Variants in SAMM50 observed in about 807,000 individuals in gnomAD.
The protein encoded by SAMM50 is sorting and assembly machinery component 50 homolog.
SAMM50 carries 47 observed loss-of-function variants against 66.9 expected under a neutral mutation model. The ratio of observed to expected loss-of-function variants is 0.70; its 90% CI spans 0.56 to 0.90. The LOEUF (loss-of-function observed/expected upper bound fraction) is 0.90, where lower values mean the gene tolerates loss of function less well. Ranked by LOEUF, SAMM50 falls within the 40% of genes least tolerant of loss-of-function variation. The pLI is 0.00. For missense variants in SAMM50, 535 were observed against 595.3 expected (o/e 0.90, Z 1.05); for synonymous variants, 191 against 214.1 (o/e 0.89, Z 0.94).
intron 3 of SAMM50, among the ~76,000 whole-genome samples, chr22:43,968,192 A>C (rs183405289): frequency 2.8e-5 from 4 of 140,414 alleles, no homozygotes; most frequent in Admixed American, 2.4e-4. Flanking sequence ...GCACCGTTGC[A>C]CTCCAGCCTG....
chr22:43,978,037 A>G (rs1806259712), intron 10 of SAMM50, 79 bp downstream of exon 10: 1 of 943,430 alleles, frequency 1.1e-6, no homozygotes, highest in Non-Finnish European at 1.7e-6. Flanking sequence ...TAGCTCCTGA[A>G]TATCTAAAGC....
rs1279556468 is a variant in SAMM50, at chr22:43,976,813, GT to G, written c.843del (p.Asn282ThrfsTer12). 2.0e-6 allele frequency: 3 copies of G among 1,525,514 alleles called. No individual in the cohort carries two copies. The highest frequency in any genetic ancestry group is 2.7e-6 in the Non-Finnish European group (3 of 1,124,884). The allele number at this position is 1,525,514 out of a possible 1,614,324, so 94.5% of individuals were successfully genotyped here. On this transcript the variant is annotated frameshift_variant, in exon 9 of 15. Transcript: ENST00000350028. LOFTEE classifies it high-confidence loss of function. ...ILPRRGALLK[V>X]NQELAGYTGG... ...ACCAAGGAGAGGTGCTTTGCTGAAA[GT>G]TAACCAGGTAGTGTTGTTTCACCTG...
At chr22:43,968,689 G>A (rs766261117) in intron 3 of SAMM50, 42 bp from the exon 4 acceptor site, 11 of 1,380,414 alleles carry the variant, frequency 8.0e-6, no homozygotes, top group South Asian at 7.0e-5. Context: ...TTTCTGTATC[G>A]TAGAAGAATA....
chr22:43,971,932 A>C (rs1373105865), intron 4 of SAMM50, among the ~76,000 whole-genome samples: 1 of 152,128 alleles, frequency 6.6e-6, no homozygotes, highest in Non-Finnish European at 1.5e-5. Flanking sequence ...TCTTGGCCTG[A>C]AAGTGATCCT....
rs999827281 is a variant in SAMM50, at chr22:43,957,644, G to A, written c.21+2046G>A. ...TCATCATGTTGGCCAGGCTGGTCTT[G>A]AACTCCTGACCTCAAGTGATCATCC... is the stretch of plus-strand genomic sequence containing the variant. On this transcript the variant is annotated intron_variant, in intron 1 of 14. Transcript: ENST00000350028. Among the ~76,000 whole-genome samples the A allele has an allele frequency of 4.6e-5, 7 of 152,268 alleles. No individual in the cohort carries two copies. In the East Asian group the frequency reaches 1.4e-3, roughly 29 times the overall value.
intron 9 of SAMM50, 145 bp from the exon 10 acceptor site, chr22:43,977,727 G>T (rs905480226): frequency 1.7e-6 from 1 of 576,232 alleles, no homozygotes. Context: ...CAACAATTAG[G>T]ATGTGGCTTC....
At chr22:43,992,728 C>T (rs73890556) in intron 14 of SAMM50, among the ~76,000 whole-genome samples, 2 of 152,336 alleles carry the variant, frequency 1.3e-5, no homozygotes, top group Non-Finnish European at 1.5e-5. Context: ...GAGCCCTTGG[C>T]GCACCGCCTG....
intron 9 of SAMM50, 87 bp downstream of exon 9, chr22:43,976,908 T>TGGGGGGGGGCGG: frequency 4.3e-6 from 2 of 469,282 alleles, no homozygotes; most frequent in Non-Finnish European, 8.4e-6. Context: ...TGGGTGGGCC[T>TGGGGGGGGGCGG]GGGGGTGGGC....
intron 10 of SAMM50, among the ~76,000 whole-genome samples, chr22:43,980,158 A>C (rs1422015231): frequency 6.2e-5 from 1 of 16,226 alleles, no homozygotes; most frequent in Non-Finnish European, 1.2e-4. Context: ...CCATCCATCC[A>C]TCCATTCACC....
chr22:43,977,517 A>G (rs1355714069), intron 9 of SAMM50, among the ~76,000 whole-genome samples: 1 of 152,198 alleles, frequency 6.6e-6, no homozygotes, highest in Non-Finnish European at 1.5e-5. Flanking sequence ...TCAGGTTTTT[A>G]TACAAAATAG....
chr22:43,991,275 A>ATTTT (rs938187573), intron 14 of SAMM50, among the ~76,000 whole-genome samples: 2 of 116,628 alleles, frequency 1.7e-5, no homozygotes, highest in African/African-American at 3.3e-5. Context: ...CACGCCCGGC[A>ATTTT]TTTTTTTTTT....
intron 7 of SAMM50, among the ~76,000 whole-genome samples, chr22:43,973,919 G>T (rs368797247): frequency 1.3e-5 from 2 of 152,090 alleles, no homozygotes; most frequent in African/African-American, 4.8e-5. Context: ...GGTCCGGAAG[G>T]TTTCATTTTT....
At chr22:43,982,699 G>A (rs1390662315) in intron 11 of SAMM50, among the ~76,000 whole-genome samples, 5 of 152,160 alleles carry the variant, frequency 3.3e-5, no homozygotes, top group East Asian at 1.9e-4. Flanking sequence ...GCAGTGGCAC[G>A]ATCTCGACTT....
In SAMM50 at chr22:43,989,294, A is replaced by G. The variant is rs765019746; in HGVS notation, c.1222+37A>G. 6.9e-6 allele frequency: 11 copies of G among 1,601,778 alleles called. No individual in the cohort carries two copies. In the East Asian group the frequency reaches 1.1e-4, roughly 16 times the overall value. ...GCTATTCAAGAAACCATTGTAGTAC[A>G]GTTGTTTTCATGTTTAAAAGCACAG... On this transcript the variant is annotated intron_variant, in intron 13 of 14. Coordinates refer to ENST00000350028, the MANE Select transcript of SAMM50 (RefSeq NM_015380.5).
chr22:43,972,179 G>T (rs2050206931), intron 4 of SAMM50, 57 bp from the exon 5 acceptor site: 1 of 1,099,454 alleles, frequency 9.1e-7, no homozygotes, highest in South Asian at 1.7e-5. Flanking sequence ...TTAGCAATGG[G>T]AACCCAAAGT....
chr22:43,957,373 T>C, intron 1 of SAMM50: 1 of 485,596 alleles, frequency 2.1e-6, no homozygotes, highest in Non-Finnish European at 3.8e-6. Context: ...AATAAATCAA[T>C]GTGGATTTGT....
intron 10 of SAMM50, among the ~76,000 whole-genome samples, chr22:43,978,522 T>C (rs1026227790): frequency 1.3e-5 from 2 of 149,474 alleles, no homozygotes; most frequent in African/African-American, 4.9e-5. Context: ...CTCAGGGCCT[T>C]GGAGGAGGGG....
At chr22:43,956,959 A>C (rs1430576717) in intron 1 of SAMM50, 1 of 616,282 alleles carries the variant, frequency 1.6e-6, no homozygotes, top group African/African-American at 1.9e-5. Context: ...TCAGAGTGCA[A>C]CCTGAGCTCT....
intron 12 of SAMM50, chr22:43,987,851 G>A (rs1473333659): frequency 2.0e-5 from 3 of 151,674 alleles, no homozygotes; most frequent in Non-Finnish European, 2.9e-5. Context: ...TTAGGAGAAA[G>A]TGTTTACAAT....
Sources: gnomAD v4.1 joint callset for allele counts (sites outside exome capture counted in the v4.1 genomes callset) on GRCh38, gnomAD v4.1.1 for gene constraint, MANE v1.5 for transcripts, NCBI Gene and HGNC (gene_info 2026-07-23, HGNC 2026-07-21) for gene names.